Variants in ADAMTS6 observed in about 807,000 individuals in gnomAD.
The protein encoded by ADAMTS6 is A disintegrin and metalloproteinase with thrombospondin motifs 6.
In ADAMTS6, 23 loss-of-function variants were observed where a neutral mutation model predicts 144.3. That is an observed-to-expected ratio of 0.16 (90% CI 0.11 to 0.23). ADAMTS6 has a LOEUF of 0.23. Among genes scored for constraint, ADAMTS6 ranks in the 10% least tolerant of loss-of-function variants. ADAMTS6 has a pLI of 1.00. For synonymous variants in ADAMTS6, 444 were observed against 457.5 expected, an observed-to-expected ratio of 0.97 and a Z score of 0.38; for missense variants, 999 against 1,379.6, an observed-to-expected ratio of 0.72 and a Z score of 4.37.
intron 12 of ADAMTS6, among the ~76,000 whole-genome samples, chr5:65,263,938 T>G (rs1283958184): frequency 6.6e-6 from 1 of 152,276 alleles, no homozygotes; most frequent in East Asian, 1.9e-4. Flanking sequence ...AACCTTATAT[T>G]AAAATGAAAA....
intron 18 of ADAMTS6, among the ~76,000 whole-genome samples, chr5:65,223,949 A>G (rs776823089): frequency 1.1e-4 from 17 of 151,568 alleles, no homozygotes; most frequent in Admixed American, 6.6e-5. Context: ...ACAGGCGCCC[A>G]CCACCACACC....
chr5:65,469,064 T>A (rs1760237506), intron 3 of ADAMTS6, among the ~76,000 whole-genome samples: 1 of 152,246 alleles, frequency 6.6e-6, no homozygotes, highest in East Asian at 1.9e-4. Flanking sequence ...CTTCAATTGC[T>A]TTCTCTCCTG....
chr5:65,239,971 T>G (rs994686328), intron 15 of ADAMTS6, among the ~76,000 whole-genome samples: 2 of 152,172 alleles, frequency 1.3e-5, no homozygotes, highest in African/African-American at 4.8e-5. Context: ...AATTCACATG[T>G]AATCTATTGC....
intron 7 of ADAMTS6, among the ~76,000 whole-genome samples, chr5:65,398,639 T>A (rs1214795155): frequency 6.6e-6 from 1 of 151,598 alleles, no homozygotes; most frequent in Admixed American, 6.6e-5. Context: ...GGCAGGAGAA[T>A]CGCTTGAGGT....
intron 7 of ADAMTS6, among the ~76,000 whole-genome samples, chr5:65,446,425 C>T (rs1184681486): frequency 6.6e-6 from 1 of 152,060 alleles, no homozygotes; most frequent in Non-Finnish European, 1.5e-5. Flanking sequence ...GTCATGACCC[C>T]TTAAGAGGAT....
Position 65,396,902 on chromosome 5 carries a change from T to C in ADAMTS6, c.1073+54573A>G, listed in dbSNP as rs113021480. On this transcript the variant is annotated intron_variant, in intron 7 of 24. Transcript: ENST00000381055. ...TCTGCTTCTATCTTCTGAGAGATTG[T>C]AGAGAATCAGTATAATTTCTTTTGT... Among the ~76,000 whole-genome samples the C allele has an allele frequency of 2.1e-3, 320 of 152,360 alleles. 4 individuals carry two copies. The highest frequency in any genetic ancestry group is 7.3e-3 in the African/African-American group (302 of 41,598).
At chr5:65,336,509 C>T (rs1422475274) in intron 7 of ADAMTS6, among the ~76,000 whole-genome samples, 2 of 152,034 alleles carry the variant, frequency 1.3e-5, no homozygotes, top group Non-Finnish European at 1.5e-5. Flanking sequence ...TTAGGTAACA[C>T]ATCTGAGATT....
At chr5:65,339,353 AT>A (rs1419713459) in intron 7 of ADAMTS6, among the ~76,000 whole-genome samples, 1 of 152,064 alleles carries the variant, frequency 6.6e-6, no homozygotes, top group Non-Finnish European at 1.5e-5. Context: ...ATTTATATGG[AT>A]TAATCTTTCC....
At chr5:65,264,826 G>A (rs1448545135) in intron 12 of ADAMTS6, among the ~76,000 whole-genome samples, 1 of 152,092 alleles carries the variant, frequency 6.6e-6, no homozygotes, top group Non-Finnish European at 1.5e-5. Context: ...CATGTAGTGT[G>A]TATGTAACAA....
chr5:65,360,822 TAAAAC>T (rs1749761634), intron 7 of ADAMTS6, among the ~76,000 whole-genome samples: 1 of 152,168 alleles, frequency 6.6e-6, no homozygotes, highest in African/African-American at 2.4e-5. Flanking sequence ...AATATGTTCT[TAAAAC>T]AACCCCAAAC....
At chr5:65,246,505 T>C (rs961195486) in intron 14 of ADAMTS6, among the ~76,000 whole-genome samples, 1 of 152,042 alleles carries the variant, frequency 6.6e-6, no homozygotes, top group African/African-American at 2.4e-5. Flanking sequence ...TAAAGCAAGA[T>C]AAGGAGATTG....
chr5:65,160,804 C>T (rs1379786896), intron 24 of ADAMTS6, among the ~76,000 whole-genome samples: 2 of 151,516 alleles, frequency 1.3e-5, no homozygotes, highest in African/African-American at 4.9e-5. Context: ...AGGCATGTGC[C>T]ACCATGCCCG....
At chr5:65,394,544 G>A (rs1250639446) in intron 7 of ADAMTS6, among the ~76,000 whole-genome samples, 1 of 152,192 alleles carries the variant, frequency 6.6e-6, no homozygotes, top group Non-Finnish European at 1.5e-5. Context: ...TCCAGATAGT[G>A]AATAATGAAT....
rs1561286844 is a variant in ADAMTS6, at chr5:65,214,648, C to G, written c.2575+146G>C. 2 of 1,152,122 alleles carry G rather than the reference C, an allele frequency of 1.7e-6. No individual in the cohort carries two copies. The highest frequency in any genetic ancestry group is 4.2e-5 in the Admixed American group (2 of 47,784). 71.4% of individuals were successfully genotyped at this position (1,152,122 alleles called of 1,614,324 possible). ...CAAATGGAATATAATATAATTAAAG[C>G]AAAGTTTCTTTTGCTAAATTACAGC... is the stretch of plus-strand genomic sequence containing the variant. On this transcript the variant is annotated intron_variant, in intron 20 of 24. Transcript: ENST00000381055. The surrounding 1 kb of genome is among the most constrained non-coding windows in gnomAD (Gnocchi z 4.6).
intron 9 of ADAMTS6, among the ~76,000 whole-genome samples, chr5:65,301,133 C>A (rs1412529258): frequency 2.6e-5 from 4 of 151,890 alleles, no homozygotes; most frequent in Non-Finnish European, 4.4e-5. Flanking sequence ...TTAGTGCTAA[C>A]AATGTGATCT....
chr5:65,380,139 G>A (rs1039488299), intron 7 of ADAMTS6, among the ~76,000 whole-genome samples: 5 of 151,814 alleles, frequency 3.3e-5, no homozygotes, highest in Non-Finnish European at 7.4e-5. Context: ...TCTCCAGACA[G>A]CCATTTCACC....
intron 9 of ADAMTS6, among the ~76,000 whole-genome samples, chr5:65,309,935 G>T (rs1172381538): frequency 6.6e-6 from 1 of 151,996 alleles, no homozygotes; most frequent in Middle Eastern, 3.2e-3. Context: ...ATATGGTTTG[G>T]ATCTGTGTCC....
chr5:65,314,443 A>C (rs1744795860), intron 9 of ADAMTS6, among the ~76,000 whole-genome samples: 1 of 147,850 alleles, frequency 6.8e-6, no homozygotes, highest in Non-Finnish European at 1.5e-5. Flanking sequence ...GACATACTAG[A>C]AGGAGAAGAA....
intron 7 of ADAMTS6, among the ~76,000 whole-genome samples, chr5:65,397,876 T>TA (rs34170790): frequency 0.12 from 14,055 of 121,620 alleles, 1,461 homozygotes; most frequent in African/African-American, 0.28. Context: ...GACCCTGTCT[T>TA]AAAAAAAAAA....
Sources: allele counts gnomAD v4.1 joint callset (sites outside exome capture counted in the v4.1 genomes callset), GRCh38; gene constraint gnomAD v4.1.1; non-coding constraint Gnocchi (gnomAD v3.1); transcripts MANE v1.5; gene names NCBI Gene and HGNC (gene_info 2026-07-23, HGNC 2026-07-21).